PCDHGB1: variants seen among roughly 807,000 people sequenced by gnomAD.
The protein encoded by PCDHGB1 is protocadherin gamma subfamily B, 1.
Under a neutral mutation model 56.6 loss-of-function variants are expected in PCDHGB1, and 34 were observed. The observed-to-expected ratio is 0.60, with a 90% CI of 0.46 to 0.80. The LOEUF (loss-of-function observed/expected upper bound fraction) is 0.80. Among genes scored for constraint, PCDHGB1 ranks in the 30% least tolerant of loss-of-function variants. The probability of loss-of-function intolerance (pLI) is 0.00; values close to 1 mark genes in which losing one functional copy is unlikely to be tolerated. For missense variants in PCDHGB1, 1,278 were observed against 1,204.6 expected (o/e 1.06, Z -0.90); for synonymous variants, 561 against 505.9 (o/e 1.11, Z -1.46).
intron 1 of PCDHGB1, chr5:141,360,787 G>T (rs758998647): frequency 1.2e-6 from 2 of 1,613,882 alleles, no homozygotes; most frequent in South Asian, 1.1e-5. Context: ...TGTGGATGGC[G>T]GAGACCCACC....
intron 1 of PCDHGB1, chr5:141,389,992 T>A: frequency 6.2e-7 from 1 of 1,614,010 alleles, no homozygotes. Context: ...CTCTTCCTCG[T>A]GGCCATGATT....
rs1208690061 is a variant in PCDHGB1 at position 141,362,188 on chromosome 5, C to G, written c.2409+9519C>G. The G allele has an allele frequency of 1.4e-5, 22 of 1,613,936 alleles. No homozygotes were observed. The East Asian group carries it at 4.9e-4, about 36-fold the overall frequency. ...CGACCGCCGGGAGCCCTCTGACCCC[C>G]AGGCAAAACTGCAGTTTTACCTGGT... is the stretch of plus-strand genomic sequence containing the variant. On this transcript the variant is annotated intron_variant, in intron 1 of 3. Transcript: ENST00000523390.
chr5:141,485,174 A>G lies in PCDHGB1; in HGVS notation c.2410-9633A>G. 6.2e-7 allele frequency: 1 copy of G among 1,611,406 alleles called. No individual in the cohort carries two copies. The highest frequency in any genetic ancestry group is 8.5e-7 in the Non-Finnish European group (1 of 1,177,898). ...AGTAGAGAATTAGCGGGCGGCAGCA[A>G]TGCTCCGCAAGGTGAGAAGCTGGAC... On this transcript the variant is annotated intron_variant, in intron 1 of 3. Coordinates refer to ENST00000523390, the MANE Select transcript of PCDHGB1 (RefSeq NM_018922.3). The surrounding 1 kb of genome is among the most constrained non-coding windows in gnomAD (Gnocchi z 5.7).
At chr5:141,375,579 C>G in intron 1 of PCDHGB1, 1 of 1,614,114 alleles carries the variant, frequency 6.2e-7, no homozygotes, top group South Asian at 1.1e-5. Flanking sequence ...CTCCAGGGGG[C>G]GCCCCTGTCC....
chr5:141,399,283 G>A, intron 1 of PCDHGB1: 2 of 1,613,888 alleles, frequency 1.2e-6, no homozygotes, highest in Non-Finnish European at 1.7e-6. Flanking sequence ...ACAAGGCGAA[G>A]TCCCTTTTAA....
chr5:141,426,704 A>C, intron 1 of PCDHGB1: 1 of 440,322 alleles, frequency 2.3e-6, no homozygotes, highest in South Asian at 1.6e-5. Context: ...TTGTTTTACA[A>C]ATCAATGAAC....
intron 1 of PCDHGB1, chr5:141,413,463 G>A: frequency 6.2e-7 from 1 of 1,614,128 alleles, no homozygotes; most frequent in African/African-American, 1.3e-5. Flanking sequence ...GGATAGACCG[G>A]GAGGAGCTCT....
intron 1 of PCDHGB1, chr5:141,426,347 T>C (rs977411941): frequency 5.2e-6 from 1 of 193,980 alleles, no homozygotes; most frequent in African/African-American, 2.3e-5. Context: ...TTCCCTTTCC[T>C]GCTGCCTTTG....
intron 1 of PCDHGB1, chr5:141,415,740 G>GTTTTTTTTTTTTTGTTT (rs2095912299): frequency 1.9e-6 from 1 of 515,998 alleles, no homozygotes; most frequent in Non-Finnish European, 2.6e-6. Context: ...GTTTATTAAG[G>GTTTTTTTTTTTTTGTTT]TTTTTTTTTT....
intron 1 of PCDHGB1, chr5:141,355,805 G>A (rs571571659): frequency 6.2e-7 from 1 of 1,613,322 alleles, no homozygotes; most frequent in Non-Finnish European, 8.5e-7. Flanking sequence ...GCTCTAGATC[G>A]CGAGGAAGAG....
chr5:141,361,744 C>T, intron 1 of PCDHGB1: 1 of 1,613,118 alleles, frequency 6.2e-7, no homozygotes, highest in Non-Finnish European at 8.5e-7. Context: ...GGCCCGCGAC[C>T]AGGGCTCGCC....
In PCDHGB1 at chr5:141,351,586, C is replaced by A. The variant is rs377147713; in HGVS notation, c.1326C>A (p.Asn442Lys). The change falls in exon 1 of 4, where the codon AAC becomes AAA. Residue 442 changes from asparagine (N) to lysine (K), a missense_variant. By Grantham distance (94) the Asn-to-Lys change is moderately conservative. Transcript: ENST00000523390. Reference protein sequence around the residue: ...TSITLHISDINDNAPVFHQAS... With the variant: ...TSITLHISDIKDNAPVFHQAS... ...TCACCCTGCACATCTCCGACATCAA[C>A]GACAATGCACCTGTTTTCCATCAGG... The A allele has an allele frequency of 6.8e-6, 11 of 1,614,054 alleles. No homozygotes were observed. In the South Asian group the frequency reaches 1.1e-4, roughly 16 times the overall value.
At chr5:141,394,189 C>T (rs543330174) in intron 1 of PCDHGB1, 1 of 1,613,892 alleles carries the variant, frequency 6.2e-7, no homozygotes, top group Admixed American at 1.7e-5. Flanking sequence ...TCCTACTCAG[C>T]GTATATCCTA....
Position 141,376,575 on chromosome 5 carries a change from C to T in PCDHGB1, c.2409+23906C>T, listed in dbSNP as rs149813666. ...CCCGCAACCCAACTAATCAGACAGG[C>T]TCATCAGCTAGATCGGCTGTTATAG... On this transcript the variant is annotated intron_variant, in intron 1 of 3. Transcript: ENST00000523390. 4.5e-5 allele frequency: 72 copies of T among 1,597,700 alleles called. No individual in the cohort carries two copies. The East Asian group carries it at 1.4e-3, about 32-fold the overall frequency.
intron 1 of PCDHGB1, chr5:141,361,964 A>G: frequency 3.7e-6 from 6 of 1,602,142 alleles, no homozygotes; most frequent in Non-Finnish European, 5.1e-6. Flanking sequence ...CACGTGCTGC[A>G]GGCCAGCGAG....
At chr5:141,405,567 G>A in intron 1 of PCDHGB1, 2 of 608,222 alleles carry the variant, frequency 3.3e-6, no homozygotes, top group Non-Finnish European at 5.8e-6. Context: ...TGGGACTAGA[G>A]TAGAGTAGCT....
intron 2 of PCDHGB1, among the ~76,000 whole-genome samples, chr5:141,504,422 T>G (rs1375202110): frequency 6.6e-6 from 1 of 152,078 alleles, no homozygotes; most frequent in Admixed American, 6.6e-5. Context: ...AGACAGGCAC[T>G]ACAACAGCTG....
At chr5:141,459,806 A>G (rs2154566682) in intron 1 of PCDHGB1, among the ~76,000 whole-genome samples, 1 of 152,342 alleles carries the variant, frequency 6.6e-6, no homozygotes, top group African/African-American at 2.4e-5. Flanking sequence ...CCTGTTGACT[A>G]GAGACACTGA....
intron 1 of PCDHGB1, chr5:141,360,653 A>G: frequency 1.9e-6 from 3 of 1,614,020 alleles, no homozygotes; most frequent in East Asian, 2.2e-5. Context: ...TACCACCTTA[A>G]TGACAACGAG....
Sources: allele counts gnomAD v4.1 joint callset (sites outside exome capture counted in the v4.1 genomes callset), GRCh38; gene constraint gnomAD v4.1.1; non-coding constraint Gnocchi (gnomAD v3.1); transcripts MANE v1.5; gene names NCBI Gene and HGNC (gene_info 2026-07-23, HGNC 2026-07-21).